The following ABCB10 variants were observed in gnomAD, a reference collection of about 807,000 sequenced individuals.
ABCB10 encodes the protein ATP binding cassette subfamily B member 10.
ABCB10 carries 54 observed loss-of-function variants against 65.4 expected under a neutral mutation model. That is an observed-to-expected ratio of 0.83 (90% confidence interval 0.66 to 1.04). The LOEUF (loss-of-function observed/expected upper bound fraction) is 1.04, where lower values mean the gene tolerates loss of function less well. Ranked by LOEUF, ABCB10 falls within the 50% of genes least tolerant of loss-of-function variation. The pLI is 0.00. For synonymous variants in ABCB10, 418 were observed against 406.5 expected (o/e 1.03, Z -0.34); for missense variants, 846 against 976.6 (o/e 0.87, Z 1.78).
At chr1:229,542,105 G>T in intron 4 of ABCB10, 132 bp downstream of exon 4, 2 of 1,212,716 alleles carry the variant, frequency 1.6e-6, no homozygotes, top group South Asian at 1.8e-5. Flanking sequence ...TGGATCTTGG[G>T]GTAATTTCTA....
chr1:229,525,648 G>A (rs1179618695), intron 10 of ABCB10, among the ~76,000 whole-genome samples: 1 of 152,146 alleles, frequency 6.6e-6, no homozygotes. Flanking sequence ...AGACTATCCT[G>A]GCTAACACGG....
intron 1 of ABCB10, 85 bp downstream of exon 1, chr1:229,558,051 C>G (rs1235962083): frequency 2.4e-6 from 3 of 1,235,338 alleles, no homozygotes; most frequent in Non-Finnish European, 3.1e-6. Flanking sequence ...CTCTGCGGCC[C>G]GGCCGTGTCC....
chr1:229,534,097 C>T (rs1662648602), intron 6 of ABCB10, among the ~76,000 whole-genome samples: 1 of 152,184 alleles, frequency 6.6e-6, no homozygotes, highest in Admixed American at 6.5e-5. Flanking sequence ...TGAAGACTTA[C>T]TTAAAAATGG....
chr1:229,541,502 T>G (rs1662842647), intron 4 of ABCB10, among the ~76,000 whole-genome samples: 1 of 152,200 alleles, frequency 6.6e-6, no homozygotes, highest in African/African-American at 2.4e-5. Context: ...GCTGGGATTA[T>G]AGGCATGAGC....
At chr1:229,530,831 C>T (rs916870041) in intron 7 of ABCB10, among the ~76,000 whole-genome samples, 3 of 151,800 alleles carry the variant, frequency 2.0e-5, no homozygotes, top group South Asian at 4.1e-4. Flanking sequence ...CTTACCTACC[C>T]GGAATAAATA....
chr1:229,530,161 G>C (rs910871017), intron 8 of ABCB10, 38 bp downstream of exon 8: 6 of 1,604,692 alleles, frequency 3.7e-6, no homozygotes, highest in African/African-American at 1.3e-5. Flanking sequence ...CAGAGCTCGG[G>C]AGAGTCCCTC....
chr1:229,541,136 C>T (rs944326800), intron 4 of ABCB10, among the ~76,000 whole-genome samples: 10 of 152,176 alleles, frequency 6.6e-5, no homozygotes, highest in South Asian at 2.1e-4. Flanking sequence ...CAGGATTATG[C>T]GTGTTTTTGT....
chr1:229,517,137 A>G lies in ABCB10; in HGVS notation c.*1042T>C, dbSNP rs1473534966. The stretch of plus-strand genomic sequence containing the variant: ...GAATTTTGAGACTATAAATAAAACT[A>G]TAACCATAAATAAAAGGGCTTATTA... On this transcript the variant is annotated 3_prime_UTR_variant, in exon 13 of 13. Coordinates refer to ENST00000344517, the MANE Select transcript of ABCB10 (RefSeq NM_012089.3). 1 of 152,210 alleles carries G rather than the reference A, an allele frequency of 6.6e-6. No individual in the cohort carries two copies. The highest frequency in any genetic ancestry group is 1.5e-5 in the Non-Finnish European group (1 of 68,036). 9.4% of individuals were successfully genotyped at this position (152,210 alleles called of 1,614,324 possible).
intron 9 of ABCB10, 77 bp from the exon 10 acceptor site, chr1:229,526,193 CTT>C: frequency 2.1e-6 from 3 of 1,404,664 alleles, no homozygotes; most frequent in Non-Finnish European, 2.9e-6. Flanking sequence ...ACCTAGCAGT[CTT>C]TTTTAAAATT....
At chr1:229,537,841 T>G (rs566376969) in intron 6 of ABCB10, among the ~76,000 whole-genome samples, 1 of 152,310 alleles carries the variant, frequency 6.6e-6, no homozygotes, top group Admixed American at 6.5e-5. Context: ...ACTTAAAATC[T>G]AATTTAAGTT....
intron 1 of ABCB10, 129 bp downstream of exon 1, chr1:229,558,007 A>G (rs1663300856): frequency 2.0e-6 from 2 of 1,015,470 alleles, no homozygotes; most frequent in Non-Finnish European, 2.5e-6. Flanking sequence ...CTCCGGGGTT[A>G]GGAGTGGCCC....
chr1:229,543,160 G>C (rs1013562275), intron 3 of ABCB10, among the ~76,000 whole-genome samples: 4 of 150,266 alleles, frequency 2.7e-5, no homozygotes, highest in Non-Finnish European at 5.9e-5. Flanking sequence ...ACAGCACATT[G>C]CATAACAGTC....
chr1:229,533,577 T>C (rs1179541761), intron 6 of ABCB10, among the ~76,000 whole-genome samples: 1 of 152,206 alleles, frequency 6.6e-6, no homozygotes, highest in African/African-American at 2.4e-5. Context: ...TGGACTAAAA[T>C]TTTTAGGCTG....
In ABCB10 at chr1:229,547,480, G is replaced by A. The variant is rs775244825; in HGVS notation, c.921+19C>T. 12 of 1,611,828 alleles carry A rather than the reference G, an allele frequency of 7.4e-6. No homozygotes were observed. The highest frequency in any genetic ancestry group is 4.5e-5 in the East Asian group (2 of 44,872). On this transcript the variant is annotated intron_variant, in intron 3 of 12. Coordinates refer to ENST00000344517, the MANE Select transcript of ABCB10 (RefSeq NM_012089.3). ...CAAGCCCTGGCAGGAAGGTACCAAG[G>A]GGAACCAGGCCCACATACCATCATA...
chr1:229,537,840 C>T (rs982661696), intron 6 of ABCB10, among the ~76,000 whole-genome samples: 2 of 152,170 alleles, frequency 1.3e-5, no homozygotes, highest in African/African-American at 2.4e-5. Flanking sequence ...CACTTAAAAT[C>T]TAATTTAAGT....
At chr1:229,553,980 CATT>C (rs1663182002) in intron 1 of ABCB10, among the ~76,000 whole-genome samples, 1 of 152,144 alleles carries the variant, frequency 6.6e-6, no homozygotes, top group Non-Finnish European at 1.5e-5. Context: ...TTATTACTAC[CATT>C]ATAAGAACAA....
chr1:229,543,048 T>C (rs1047784577), intron 3 of ABCB10, among the ~76,000 whole-genome samples: 3 of 151,172 alleles, frequency 2.0e-5, no homozygotes, highest in African/African-American at 7.3e-5. Context: ...GGAGAATCGC[T>C]TGAACCCGGG....
chr1:229,556,719 A>C (rs1663255382), intron 1 of ABCB10, among the ~76,000 whole-genome samples: 2 of 152,056 alleles, frequency 1.3e-5, no homozygotes, highest in African/African-American at 4.8e-5. Flanking sequence ...ACAAAACAGA[A>C]CTGGATTTCC....
intron 6 of ABCB10, among the ~76,000 whole-genome samples, chr1:229,534,197 G>A (rs932043663): frequency 1.2e-4 from 18 of 152,094 alleles, no homozygotes; most frequent in African/African-American, 4.3e-4. Flanking sequence ...ATGTCATCAG[G>A]GAAATGCCAA....
Sources: allele counts gnomAD v4.1 joint callset (sites outside exome capture counted in the v4.1 genomes callset), GRCh38; gene constraint gnomAD v4.1.1; transcripts MANE v1.5; gene names NCBI Gene and HGNC (gene_info 2026-07-23, HGNC 2026-07-21).